Variants in KMT2E observed in about 807,000 individuals in gnomAD.
KMT2E encodes the protein lysine methyltransferase 2E (inactive).
Under a neutral mutation model 184.6 loss-of-function variants are expected in KMT2E, and 30 were observed. The observed-to-expected ratio is 0.16, with a 90% CI of 0.12 to 0.22. The LOEUF (loss-of-function observed/expected upper bound fraction) is 0.22, where lower values mean the gene tolerates loss of function less well. Ranked by LOEUF, KMT2E falls within the 10% of genes least tolerant of loss-of-function variation. The probability of loss-of-function intolerance (pLI) is 1.00; values close to 1 mark genes in which losing one functional copy is unlikely to be tolerated. For synonymous variants in KMT2E, 815 were observed against 776.5 expected, an observed-to-expected ratio of 1.05 and a Z score of -0.82; for missense variants, 2,023 against 2,237.4, an observed-to-expected ratio of 0.90 and a Z score of 1.93.
At chr7:105,070,390 G>A (rs561112820) in intron 6 of KMT2E, among the ~76,000 whole-genome samples, 1 of 152,026 alleles carries the variant, frequency 6.6e-6, no homozygotes, top group African/African-American at 2.4e-5. Flanking sequence ...TAGCACTTTT[G>A]GAGGCTGAGG....
At chr7:105,103,236 C>G (rs866065441) in intron 17 of KMT2E, 1 of 152,118 alleles carries the variant, frequency 6.6e-6, no homozygotes, top group Non-Finnish European at 1.5e-5. Flanking sequence ...AGTTGTGGTA[C>G]GATAAATTTA....
intron 15 of KMT2E, among the ~76,000 whole-genome samples, chr7:105,097,521 G>A (rs998987301): frequency 7.2e-5 from 11 of 152,098 alleles, no homozygotes; most frequent in African/African-American, 2.2e-4. Context: ...AAGTAGCTGG[G>A]ATTACAGGTG....
rs1796614146 is a variant in KMT2E at position 105,057,492 on chromosome 7, T to C, written c.72-4672T>C. On this transcript the variant is annotated intron_variant, in intron 3 of 26. Transcript: ENST00000311117. ...AGAGTCTCACTCTGTCAACCCAGGC[T>C]GGAGTACAGTGACATGATCATAGCT... Among the ~76,000 whole-genome samples the C allele has an allele frequency of 2.0e-5, 3 of 152,284 alleles. No homozygotes were observed. The South Asian group carries it at 6.2e-4, about 32-fold the overall frequency.
chr7:105,070,941 A>G (rs1797258499), intron 6 of KMT2E, among the ~76,000 whole-genome samples: 2 of 152,242 alleles, frequency 1.3e-5, no homozygotes, highest in Middle Eastern at 3.2e-3. Context: ...TATATAAAGG[A>G]AAGTATTCTG....
chr7:105,106,110 C>T (rs1458882232), intron 19 of KMT2E, 107 bp downstream of exon 19: 2 of 1,116,456 alleles, frequency 1.8e-6, no homozygotes, highest in African/African-American at 3.2e-5. Flanking sequence ...AGAAGAGAAG[C>T]ACATTGGTGT....
chr7:105,064,404 AC>A (rs1796952482), intron 5 of KMT2E, among the ~76,000 whole-genome samples: 1 of 151,664 alleles, frequency 6.6e-6, no homozygotes, highest in African/African-American at 2.4e-5. Context: ...TATGGCATAT[AC>A]CCATATTTGA....
chr7:105,058,047 T>C (rs1461843339), intron 3 of KMT2E, among the ~76,000 whole-genome samples: 1 of 152,196 alleles, frequency 6.6e-6, no homozygotes, highest in Non-Finnish European at 1.5e-5. Flanking sequence ...TGTTTTCCTT[T>C]GTGCTGTAGA....
Position 105,091,293 on chromosome 7 carries a change from T to C in KMT2E, c.1701T>C (p.Ile567=). 1 of 1,603,724 alleles carries C rather than the reference T, an allele frequency of 6.2e-7. No homozygotes were observed. Among genetic ancestry groups the C allele is most frequent in the Non-Finnish European group, 8.5e-7 (1 of 1,170,646 alleles). ...TAGAAATGGAATCAGAGGAGCAGAT[T>C]GCAGAAAGGAAAAGGAAGATGGTAA... The part of the protein sequence containing the change: ...NEVEMESEEQ[I]AERKRKMTRE... The change falls in exon 15 of 27, where the codon ATT becomes ATC. Residue 567 remains isoleucine, a synonymous_variant. Coordinates refer to ENST00000311117, the MANE Select transcript of KMT2E (RefSeq NM_182931.3).
At position 105,107,613 on chromosome 7, in the gene KMT2E, A is replaced by C. The variant is rs1390256782; in HGVS notation, c.3156A>C (p.Gln1052His). Residue 1052 changes from glutamine to histidine, a missense_variant, in exon 22 of 27, where the codon CAA (glutamine) becomes CAC (histidine). Transcript: ENST00000311117. ...ATGACAGGGCTGAGCCCAACAGCCA[A>C]CTGGACTCGACTCACTCTGGACGGG... Reference protein sequence around the residue: ...PAHDRAEPNSQLDSTHSGRGT... With the variant: ...PAHDRAEPNSHLDSTHSGRGT... The C allele has an allele frequency of 6.2e-7, 1 of 1,614,178 alleles. No individual in the cohort carries two copies. Among genetic ancestry groups the C allele is most frequent in the Non-Finnish European group, 8.5e-7 (1 of 1,180,026 alleles).
rs1288340464 is a variant in KMT2E at position 105,113,917 on chromosome 7, A to G, written c.*584A>G. The stretch of plus-strand genomic sequence containing the variant: ...AATTGCTTACAGCTTTTCTCATTTG[A>G]TATATAGCATTGTACATATGACAAG... On this transcript the variant is annotated 3_prime_UTR_variant, in exon 27 of 27. Transcript: ENST00000311117. The G allele has an allele frequency of 1.3e-5, 2 of 154,366 alleles. No individual in the cohort carries two copies. Among genetic ancestry groups the G allele is most frequent in the Non-Finnish European group, 2.9e-5 (2 of 68,394 alleles). 9.6% of individuals were successfully genotyped at this position (154,366 alleles called of 1,614,324 possible).
intron 12 of KMT2E, among the ~76,000 whole-genome samples, chr7:105,079,511 CTTTTTTTTT>C (rs66734303): frequency 1.8e-4 from 11 of 62,330 alleles, no homozygotes; most frequent in Middle Eastern, 0.013. Context: ...ATTGGACTTC[CTTTTTTTTT>C]TTTTTTTTTT....
Position 105,108,808 on chromosome 7 carries a change from A to G in KMT2E, c.3469-134A>G, listed in dbSNP as rs1799030299. 4 of 739,636 alleles carry G rather than the reference A, an allele frequency of 5.4e-6. No individual in the cohort carries two copies. The East Asian group carries it at 8.2e-5, about 15-fold the overall frequency. The allele number at this position is 739,636 out of a possible 1,614,324, so 45.8% of individuals were successfully genotyped here. On this transcript the variant is annotated intron_variant, in intron 22 of 26. Transcript: ENST00000311117. ...AGTAGGCATTTGGTAATTGTTAATT[A>G]TTTGTTCAGAATCAATTAAAATAAT...
chr7:105,024,905 A>T (rs1054008340), intron 1 of KMT2E, among the ~76,000 whole-genome samples: 1 of 152,118 alleles, frequency 6.6e-6, no homozygotes, highest in Non-Finnish European at 1.5e-5. Flanking sequence ...TTCCAGTTCA[A>T]GATGATTCAT....
chr7:105,044,683 C>T (rs1267102117), intron 3 of KMT2E, among the ~76,000 whole-genome samples: 2 of 152,128 alleles, frequency 1.3e-5, no homozygotes, highest in Admixed American at 1.3e-4. Context: ...ATTCCAGTCC[C>T]ACTGCACTCA....
chr7:105,041,846 A>G (rs557734125), intron 3 of KMT2E, among the ~76,000 whole-genome samples: 84 of 152,304 alleles, frequency 5.5e-4, no homozygotes, highest in African/African-American at 1.9e-3. Flanking sequence ...CACTTAATCG[A>G]CTATGAAGAA....
At chr7:105,044,900 T>C (rs374112602) in intron 3 of KMT2E, among the ~76,000 whole-genome samples, 82 of 152,312 alleles carry the variant, frequency 5.4e-4, no homozygotes, top group South Asian at 3.1e-3. Context: ...CTTACCACAC[T>C]ATTTGTTCTA....
intron 15 of KMT2E, among the ~76,000 whole-genome samples, chr7:105,099,853 G>A (rs547379299): frequency 2.9e-4 from 44 of 152,246 alleles, no homozygotes; most frequent in Admixed American, 2.3e-3. Context: ...AGCGCAGTTT[G>A]GGAAAATGAT....
intron 13 of KMT2E, among the ~76,000 whole-genome samples, chr7:105,082,909 A>G (rs181393499): frequency 2.6e-5 from 4 of 152,318 alleles, no homozygotes; most frequent in African/African-American, 4.8e-5. Flanking sequence ...CTTTTTCTAC[A>G]TCTTCTTTCT....
At position 105,109,172 on chromosome 7, in the gene KMT2E, T is replaced by A. The variant is rs757136403; in HGVS notation, c.3699T>A (p.Asn1233Lys). 10 of 1,614,134 alleles carry A rather than the reference T, an allele frequency of 6.2e-6. No homozygotes were observed. In the East Asian group the frequency reaches 1.8e-4, roughly 29 times the overall value. The change falls in exon 23 of 27, where the codon AAT (asparagine) becomes AAA (lysine). Residue 1233 changes from asparagine to lysine, a missense_variant. Coordinates refer to ENST00000311117, the MANE Select transcript of KMT2E (RefSeq NM_182931.3). ...ATGCCACTTCTGAAGAAACTAGCAA[T>A]AACTGCCCTGTTAAGGATGCTACTG... Reference protein sequence around the residue: ...VYNATSEETSNNCPVKDATAS... With the variant: ...VYNATSEETSKNCPVKDATAS...
Sources: gnomAD v4.1 joint callset for allele counts (sites outside exome capture counted in the v4.1 genomes callset) on GRCh38, gnomAD v4.1.1 for gene constraint, MANE v1.5 for transcripts, NCBI Gene and HGNC (gene_info 2026-07-23, HGNC 2026-07-21) for gene names.